Variants in FANCM observed in about 807,000 individuals in gnomAD.
FANCM encodes the protein Fanconi anemia group M protein.
FANCM carries 140 observed loss-of-function variants against 199.5 expected under a neutral mutation model. The observed-to-expected ratio is 0.70, with a 90% CI of 0.61 to 0.81. FANCM has a LOEUF of 0.81. Among genes scored for constraint, FANCM ranks in the 30% least tolerant of loss-of-function variants. FANCM has a pLI of 0.00. For missense variants in FANCM, 2,410 were observed against 2,421.4 expected (o/e 1.00, Z 0.10); for synonymous variants, 840 against 836.8 (o/e 1.00, Z -0.07).
chr14:45,167,271 T>A, intron 11 of FANCM, 108 bp downstream of exon 11: 1 of 727,810 alleles, frequency 1.4e-6, no homozygotes, highest in Non-Finnish European at 2.5e-6. Flanking sequence ...ATGTTCTAAT[T>A]AATATATTAT....
chr14:45,152,221 G>A (rs138826563), intron 5 of FANCM, among the ~76,000 whole-genome samples: 1 of 151,716 alleles, frequency 6.6e-6, no homozygotes, highest in East Asian at 1.9e-4. Context: ...GTAGAGAGAG[G>A]GTTTCATCAT....
chr14:45,151,097 C>T (rs1026118236), intron 4 of FANCM, among the ~76,000 whole-genome samples: 1 of 152,184 alleles, frequency 6.6e-6, no homozygotes, highest in Non-Finnish European at 1.5e-5. Flanking sequence ...ATGGTACTTA[C>T]ACTTAGATTA....
intron 21 of FANCM, among the ~76,000 whole-genome samples, chr14:45,197,781 T>G (rs1278408101): frequency 7.2e-6 from 1 of 138,452 alleles, no homozygotes; most frequent in African/African-American, 2.9e-5. Context: ...TTTTTTTTTT[T>G]GAAATGGAGT....
chr14:45,188,493 G>T (rs1251615799), intron 19 of FANCM, among the ~76,000 whole-genome samples: 3 of 152,032 alleles, frequency 2.0e-5, no homozygotes, highest in Non-Finnish European at 4.4e-5. Context: ...GTTCAGCTTG[G>T]TAATGTGTAC....
chr14:45,159,313 T>C, intron 9 of FANCM, 33 bp downstream of exon 9: 1 of 1,489,920 alleles, frequency 6.7e-7, no homozygotes, highest in Non-Finnish European at 9.3e-7. Flanking sequence ...AAAATAAAAA[T>C]AAGATTGATT....
In FANCM at chr14:45,153,908, C is replaced by A; in HGVS notation, c.1051-12C>A. On this transcript the variant is annotated splice_polypyrimidine_tract_variant and intron_variant, in intron 5 of 22. Coordinates refer to ENST00000267430, the MANE Select transcript of FANCM (RefSeq NM_020937.4). ...TTTCTCTGGTTAAATTTGACATATG[C>A]TGTTTTTCTAGGGAATACAACAAGG... The A allele has an allele frequency of 6.2e-7, 1 of 1,607,298 alleles. No individual in the cohort carries two copies. Among genetic ancestry groups the A allele is most frequent in the Non-Finnish European group, 8.5e-7 (1 of 1,174,120 alleles).
In FANCM at chr14:45,136,201, T is replaced by C; in HGVS notation, c.170T>C (p.Leu57Ser). 1 of 1,614,154 alleles carries C rather than the reference T, an allele frequency of 6.2e-7. No individual in the cohort carries two copies. The highest frequency in any genetic ancestry group is 1.1e-5 in the South Asian group (1 of 91,078). ...EAQLESDDDV[L>S]LVAAYEAERQ... ...CAGCTGGAGTCGGACGATGATGTGT[T>C]GCTTGTCGCGGCGTACGAGGCTGAG... is the stretch of plus-strand genomic sequence containing the variant. The change falls in exon 1 of 23, where the codon TTG becomes TCG. Residue 57 changes from leucine (L) to serine (S), a missense_variant. Transcript: ENST00000267430.
At chr14:45,157,670 T>A (rs971459520) in intron 8 of FANCM, among the ~76,000 whole-genome samples, 1 of 152,226 alleles carries the variant, frequency 6.6e-6, no homozygotes, top group African/African-American at 2.4e-5. Context: ...CAGGAGCTGG[T>A]CACATACAGA....
chr14:45,198,765 G>C lies in FANCM; in HGVS notation c.5838G>C (p.Lys1946Asn), dbSNP rs1060501893. Residue 1946 changes from lysine (K) to asparagine (N), a missense_variant, in exon 22 of 23, where the codon AAG becomes AAC. Physicochemically the swap from Lys to Asn is moderately conservative, Grantham distance 94. Transcript: ENST00000267430. ...SCQEETADLL[K>N]ELSLVEQRKN... Reference sequence around the variant, plus strand: ...AAGAAGAAACCGCAGATTTGCTAAAGGAACTGTCTTTAGTGGAACAAAGAA... The same window carrying C: ...AAGAAGAAACCGCAGATTTGCTAAACGAACTGTCTTTAGTGGAACAAAGAA... 7 of 1,613,866 alleles carry C rather than the reference G, an allele frequency of 4.3e-6. No homozygotes were observed. Among genetic ancestry groups the C allele is most frequent in the Non-Finnish European group, 5.9e-6 (7 of 1,179,954 alleles).
chr14:45,198,043 A>G (rs543927054), intron 21 of FANCM, among the ~76,000 whole-genome samples: 103 of 152,206 alleles, frequency 6.8e-4, no homozygotes, highest in East Asian at 1.5e-3. Context: ...CTGGGATTAC[A>G]TGTTTGAGCC....
intron 10 of FANCM, among the ~76,000 whole-genome samples, chr14:45,164,944 C>T (rs1887859953): frequency 6.6e-6 from 1 of 152,100 alleles, no homozygotes; most frequent in Non-Finnish European, 1.5e-5. Context: ...TTTTCAAGGG[C>T]TGTCAAAATA....
At position 45,176,265 on chromosome 14, in the gene FANCM, C is replaced by T. The variant is rs1352646614; in HGVS notation, c.3511C>T (p.Pro1171Ser). The T allele has an allele frequency of 1.2e-6, 2 of 1,613,998 alleles. No homozygotes were observed. Among genetic ancestry groups the T allele is most frequent in the South Asian group, 1.1e-5 (1 of 91,080 alleles). The change falls in exon 14 of 23, where the codon CCT (proline) becomes TCT (serine). Residue 1171 changes from proline to serine, a missense_variant. By Grantham distance (74) the Pro-to-Ser change is moderately conservative. Coordinates refer to ENST00000267430, the MANE Select transcript of FANCM (RefSeq NM_020937.4). Reference protein sequence around the residue: ...VSDKTAISETPLVSQFLISDE... With the variant: ...VSDKTAISETSLVSQFLISDE... ...AGACAAAACTGCTATTAGTGAAACGCCTCTGGTCTCTCAGTTCTTAATTTC... is the reference window on the plus strand; with the variant it reads ...AGACAAAACTGCTATTAGTGAAACGTCTCTGGTCTCTCAGTTCTTAATTTC...
chr14:45,198,468 C>A (rs1384408341), intron 21 of FANCM, 176 bp from the exon 22 acceptor site: 3 of 487,914 alleles, frequency 6.1e-6, no homozygotes, highest in African/African-American at 1.9e-5. Flanking sequence ...ATAGTTACCC[C>A]TATTTTCTTT....
At chr14:45,165,502 C>T (rs1220145814) in intron 10 of FANCM, among the ~76,000 whole-genome samples, 10 of 152,076 alleles carry the variant, frequency 6.6e-5, no homozygotes. Context: ...GAACCAAGAT[C>T]CCACCACTGC....
chr14:45,163,673 A>G (rs1171420383), intron 9 of FANCM, among the ~76,000 whole-genome samples: 1 of 152,222 alleles, frequency 6.6e-6, no homozygotes, highest in Non-Finnish European at 1.5e-5. Context: ...AACCTATTTC[A>G]GATAAAGCTA....
chr14:45,147,903 C>CCA (rs1555360393), intron 3 of FANCM, among the ~76,000 whole-genome samples: 1 of 147,732 alleles, frequency 6.8e-6, no homozygotes, highest in African/African-American at 2.5e-5. Flanking sequence ...AACCGCCCCC[C>CCA]CCCCAAAAAA....
At chr14:45,141,868 C>G (rs756880740) in intron 3 of FANCM, among the ~76,000 whole-genome samples, 1 of 151,720 alleles carries the variant, frequency 6.6e-6, no homozygotes, top group Non-Finnish European at 1.5e-5. Context: ...GGATTTCAGG[C>G]GTGAGCTACT....
chr14:45,139,910 C>T (rs748515239), intron 2 of FANCM, among the ~76,000 whole-genome samples: 6 of 151,942 alleles, frequency 3.9e-5, no homozygotes, highest in Non-Finnish European at 7.4e-5. Context: ...ACTTGAGCCC[C>T]AGAGGTTGAG....
intron 10 of FANCM, among the ~76,000 whole-genome samples, chr14:45,165,037 T>G (rs1342344416): frequency 6.6e-6 from 1 of 152,204 alleles, no homozygotes; most frequent in Non-Finnish European, 1.5e-5. Context: ...TCTGGCCCTT[T>G]TTGGAAGTTT....
Sources: gnomAD v4.1 joint callset for allele counts (sites outside exome capture counted in the v4.1 genomes callset) on GRCh38, gnomAD v4.1.1 for gene constraint, MANE v1.5 for transcripts, NCBI Gene and HGNC (gene_info 2026-07-23, HGNC 2026-07-21) for gene names.